ASTN1: variants seen among roughly 807,000 people sequenced by gnomAD.
ASTN1 encodes the protein astrotactin 1, also known as astrotactin-1.
In ASTN1, 41 loss-of-function variants were observed where a neutral mutation model predicts 140.7. The observed-to-expected ratio is 0.29, with a 90% CI of 0.23 to 0.38. ASTN1 has a LOEUF of 0.38. ASTN1 is among the 10% of genes least tolerant of loss of function. The pLI is 1.00. For missense variants in ASTN1, 1,479 were observed against 1,678.8 expected, an observed-to-expected ratio of 0.88 and a Z score of 2.08; for synonymous variants, 640 against 652.2, an observed-to-expected ratio of 0.98 and a Z score of 0.29.
intron 18 of ASTN1, among the ~76,000 whole-genome samples, chr1:176,885,468 CAAGAT>C (rs1668996538): frequency 6.6e-6 from 1 of 152,170 alleles, no homozygotes; most frequent in African/African-American, 2.4e-5. Context: ...GTGTTTCTTT[CAAGAT>C]GACTGGATTC....
chr1:176,873,794 C>T (rs1050599824), intron 21 of ASTN1, among the ~76,000 whole-genome samples: 2 of 152,232 alleles, frequency 1.3e-5, no homozygotes, highest in African/African-American at 4.8e-5. Flanking sequence ...CTCTTCTGCT[C>T]CCAGCTCGTC....
intron 8 of ASTN1, among the ~76,000 whole-genome samples, chr1:176,972,824 G>T (rs574137303): frequency 1.3e-5 from 2 of 152,260 alleles, no homozygotes; most frequent in East Asian, 3.9e-4. Flanking sequence ...AGTAGTTCGT[G>T]TAAGTGCAGG....
intron 17 of ASTN1, among the ~76,000 whole-genome samples, chr1:176,890,042 C>G (rs1483122414): frequency 6.6e-6 from 1 of 152,194 alleles, no homozygotes; most frequent in Non-Finnish European, 1.5e-5. Flanking sequence ...AGCCTTCAAT[C>G]AACAATTATT....
chr1:176,941,508 C>G (rs1197210982), intron 14 of ASTN1, among the ~76,000 whole-genome samples: 1 of 152,198 alleles, frequency 6.6e-6, no homozygotes, highest in East Asian at 1.9e-4. Context: ...TTCCTTTTGC[C>G]TCCAATGGGC....
At chr1:177,102,456 C>T (rs1680346346) in intron 1 of ASTN1, among the ~76,000 whole-genome samples, 1 of 152,102 alleles carries the variant, frequency 6.6e-6, no homozygotes, top group South Asian at 2.1e-4. Context: ...CTACTGAGGT[C>T]AATGACCCTT....
chr1:177,057,163 C>T (rs1424076932), intron 2 of ASTN1, among the ~76,000 whole-genome samples: 3 of 152,254 alleles, frequency 2.0e-5, no homozygotes, highest in Non-Finnish European at 4.4e-5. Flanking sequence ...AATGGTACCT[C>T]TTTGGAAAAA....
intron 20 of ASTN1, among the ~76,000 whole-genome samples, chr1:176,879,866 T>G (rs1184874454): frequency 6.6e-6 from 1 of 152,146 alleles, no homozygotes; most frequent in Non-Finnish European, 1.5e-5. Context: ...AATCCCTCAG[T>G]TTTGGAGGGC....
chr1:176,995,603 G>A (rs1674401716), intron 8 of ASTN1, among the ~76,000 whole-genome samples: 1 of 152,172 alleles, frequency 6.6e-6, no homozygotes, highest in Non-Finnish European at 1.5e-5. Context: ...TTTCAGGCAG[G>A]GAGGGATTGG....
intron 8 of ASTN1, among the ~76,000 whole-genome samples, chr1:176,970,572 T>C (rs1323003593): frequency 2.0e-5 from 3 of 151,008 alleles, no homozygotes; most frequent in Non-Finnish European, 4.4e-5. Flanking sequence ...GGTAGGTAGG[T>C]AGGTAGGTAG....
chr1:176,956,675 C>T (rs563229466), intron 11 of ASTN1, among the ~76,000 whole-genome samples: 93 of 152,306 alleles, frequency 6.1e-4, no homozygotes, highest in Admixed American at 2.3e-3. Context: ...GACCCATTCC[C>T]TCTCCTCTCT....
intron 16 of ASTN1, among the ~76,000 whole-genome samples, chr1:176,902,926 CT>C (rs1439470589): frequency 6.6e-6 from 1 of 152,194 alleles, no homozygotes; most frequent in Non-Finnish European, 1.5e-5. Flanking sequence ...CTGGGAAGCC[CT>C]AAAGCTTTCA....
At chr1:177,061,676 G>A (rs979256613) in intron 1 of ASTN1, among the ~76,000 whole-genome samples, 1 of 152,146 alleles carries the variant, frequency 6.6e-6, no homozygotes, top group Non-Finnish European at 1.5e-5. Context: ...AGACATACCA[G>A]TAAATTTACC....
chr1:176,988,090 G>T (rs1558012497), intron 8 of ASTN1, among the ~76,000 whole-genome samples: 1 of 152,152 alleles, frequency 6.6e-6, no homozygotes. Flanking sequence ...AAGTTAATTT[G>T]AGATACTTGA....
chr1:176,936,441 AC>A, intron 14 of ASTN1, 71 bp from the exon 15 acceptor site: 1 of 1,227,890 alleles, frequency 8.1e-7, no homozygotes, highest in Non-Finnish European at 1.2e-6. Flanking sequence ...AGCATGACCC[AC>A]CTCTATGAGG....
intron 5 of ASTN1, among the ~76,000 whole-genome samples, chr1:177,028,861 CTTG>C (rs1254679207): frequency 2.8e-4 from 43 of 152,312 alleles, no homozygotes; most frequent in African/African-American, 8.4e-4. Context: ...GGTCAGAGAA[CTTG>C]TTGTTCTTAT....
intron 16 of ASTN1, among the ~76,000 whole-genome samples, chr1:176,903,291 C>T (rs6693089): frequency 0.043 from 6,612 of 152,088 alleles, 435 homozygotes; most frequent in African/African-American, 0.15. Context: ...CTCTCTCTCT[C>T]TCTCTCCCCA....
Position 176,882,799 on chromosome 1 carries a change from C to T in ASTN1, c.3362+60G>A, listed in dbSNP as rs16850299. ...AGGAACTCAAGTAGCAAGAAGAAAC[C>T]GGTAAGAAGCCTTGGGACTGTCAGG... On this transcript the variant is annotated intron_variant, in intron 20 of 22. Transcript: ENST00000361833. 17,305 of 1,599,420 alleles carry T rather than the reference C, an allele frequency of 0.011. 1,549 individuals are homozygous for T. In the African/African-American group the frequency reaches 0.2, roughly 19 times the overall value.
intron 1 of ASTN1, among the ~76,000 whole-genome samples, chr1:177,148,237 T>A (rs546521220): frequency 1.3e-5 from 2 of 152,006 alleles, no homozygotes; most frequent in East Asian, 3.9e-4. Flanking sequence ...GCTAACACGG[T>A]GAAACCCGGT....
At chr1:177,141,385 T>C (rs1039832678) in intron 1 of ASTN1, among the ~76,000 whole-genome samples, 1 of 151,916 alleles carries the variant, frequency 6.6e-6, no homozygotes, top group African/African-American at 2.4e-5. Context: ...ATATAATAAG[T>C]CTCCAGTAAG....
Sources: allele counts gnomAD v4.1 joint callset (sites outside exome capture counted in the v4.1 genomes callset), GRCh38; gene constraint gnomAD v4.1.1; transcripts MANE v1.5; gene names NCBI Gene and HGNC (gene_info 2026-07-23, HGNC 2026-07-21).